TTN: variants seen among roughly 807,000 people sequenced by gnomAD.
TTN encodes connectin.
TTN carries 1,525 observed loss-of-function variants against 3,223.0 expected under a neutral mutation model. That is an observed-to-expected ratio of 0.47 (90% CI 0.45 to 0.49). The LOEUF is 0.49. Ranked by LOEUF, TTN falls within the 20% of genes least tolerant of loss-of-function variation. The pLI is 0.00. For synonymous variants in TTN, 14,094 were observed against 15,161.0 expected (o/e 0.93, Z 5.17); for missense variants, 40,786 against 43,424.0 (o/e 0.94, Z 5.40).
rs529529087 is a variant in TTN, at chr2:178,591,383, G to A, written c.60342C>T (p.Thr20114=). 1.4e-5 allele frequency: 23 copies of A among 1,612,986 alleles called. No individual in the cohort carries two copies. Among genetic ancestry groups the A allele is most frequent in the Middle Eastern group, 1.7e-4 (1 of 6,046 alleles). ...CATCGGTTTTAATCTCACTCCCATCGGTTGTCCACTTTGCAGTAGGAACAG... is the reference window on the plus strand; with the variant it reads ...CATCGGTTTTAATCTCACTCCCATCAGTTGTCCACTTTGCAGTAGGAACAG... ...GVPVPTAKWT[T]DGSEIKTDEH... Residue 20114 remains threonine (T), a synonymous_variant, in exon 304 of 363, where the codon ACC becomes ACT. Transcript: ENST00000589042.
rs779686062 is a variant in TTN, at chr2:178,587,668, T to G, written c.63641A>C (p.Asp21214Ala). Reference sequence around the variant, plus strand: ...AACTTGTCCTTTTCTGACCACATTATCAATGCCAACTTTTCGCCAAGTGAC... The same window carrying G: ...AACTTGTCCTTTTCTGACCACATTAGCAATGCCAACTTTTCGCCAAGTGAC... ...PKVTWRKVGIDNVVRKGQVDL... is the reference protein window; with the variant it reads ...PKVTWRKVGIANVVRKGQVDL... The change falls in exon 306 of 363, where the codon GAT becomes GCT. Residue 21214 changes from aspartate to alanine, a missense_variant. Coordinates refer to ENST00000589042, the MANE Select transcript of TTN (RefSeq NM_001267550.2). 18 of 1,612,926 alleles carry G rather than the reference T, an allele frequency of 1.1e-5. No homozygotes were observed. Among genetic ancestry groups the G allele is most frequent in the African/African-American group, 1.3e-5 (1 of 74,968 alleles).
At chr2:178,695,519 T>C (rs2073524530) in intron 114 of TTN, 109 bp from the exon 115 acceptor site, 1 of 858,924 alleles carries the variant, frequency 1.2e-6, no homozygotes, top group Admixed American at 2.2e-5. Flanking sequence ...GTGTGAAGTA[T>C]TATATTTGGG....
At chr2:178,695,266 T>G in intron 115 of TTN, 82 bp downstream of exon 115, 1 of 1,088,852 alleles carries the variant, frequency 9.2e-7, no homozygotes, top group South Asian at 1.6e-5. Context: ...TGGATTGAAC[T>G]GCTGATTTAT....
At position 178,651,681 on chromosome 2, in the gene TTN, G is replaced by A. The variant is rs1225118496; in HGVS notation, c.39448C>T (p.Leu13150=). The stretch of plus-strand genomic sequence containing the variant: ...TGAGGAATACCTTTCACTGGTGGTA[G>A]TTCAGGTTTTTTGGCAACGACAGCA... ...APAVVAKKPE[L]PPVKVPEVPK... Residue 13150 remains leucine, a synonymous_variant, in exon 206 of 363, where the codon CTA becomes TTA. Coordinates refer to ENST00000589042, the MANE Select transcript of TTN (RefSeq NM_001267550.2). 1 of 1,613,234 alleles carries A rather than the reference G, an allele frequency of 6.2e-7. No individual in the cohort carries two copies. The highest frequency in any genetic ancestry group is 1.1e-5 in the South Asian group (1 of 91,062).
At position 178,635,167 on chromosome 2, in the gene TTN, G is replaced by C. The variant is rs1455864622; in HGVS notation, c.42022C>G (p.Pro14008Ala). 6.2e-7 allele frequency: 1 copy of C among 1,612,612 alleles called. No homozygotes were observed. Among genetic ancestry groups the C allele is most frequent in the Non-Finnish European group, 8.5e-7 (1 of 1,179,356 alleles). Reference protein sequence around the residue: ...KLKGELLRPSPTCEIKAEGGK... With the variant: ...KLKGELLRPSATCEIKAEGGK... Reference sequence around the variant, plus strand: ...ATTTAAAATGTGAAATTACTCACAGGTGAGGGCCTTAGAAGTTCTCCTTTC... The same window carrying C: ...ATTTAAAATGTGAAATTACTCACAGCTGAGGGCCTTAGAAGTTCTCCTTTC... Residue 14008 changes from proline to alanine, a missense_variant and splice_region_variant, in exon 228 of 363, where the codon CCT (proline) becomes GCT (alanine). Pro to Ala is a conservative substitution (Grantham distance 27). Coordinates refer to ENST00000589042, the MANE Select transcript of TTN (RefSeq NM_001267550.2).
At chr2:178,724,227 C>T in intron 72 of TTN, 33 bp downstream of exon 72, 1 of 1,591,308 alleles carries the variant, frequency 6.3e-7, no homozygotes, top group Non-Finnish European at 8.5e-7. Flanking sequence ...AAGGAATTTG[C>T]ATAAGCAACC....
chr2:178,664,625 C>G (rs760893413), intron 167 of TTN, 29 bp downstream of exon 167: 3 of 1,610,026 alleles, frequency 1.9e-6, no homozygotes, highest in Non-Finnish European at 2.5e-6. Context: ...GACATGTTCC[C>G]ACCCCTCTAA....
At position 178,547,756 on chromosome 2, in the gene TTN, C is replaced by T. The variant is rs752518817; in HGVS notation, c.93870G>A (p.Leu31290=). Residue 31290 remains leucine, a synonymous_variant, in exon 339 of 363, where the codon CTG becomes CTA. Transcript: ENST00000589042. ...ATGTTTTAACACCAGCTGTATTTTC[C>T]AGGGTCAAGAAGTATCTTCCAGAGT... ...RGDSGRYFLT[L]ENTAGVKTFS... is the part of the protein sequence containing the mutation. 6.8e-6 allele frequency: 11 copies of T among 1,613,904 alleles called. No individual in the cohort carries two copies. Among genetic ancestry groups the T allele is most frequent in the South Asian group, 1.1e-5 (1 of 91,080 alleles).
In TTN at chr2:178,706,443, A is replaced by T. The variant is rs1181545251; in HGVS notation, c.29420+11T>A. On this transcript the variant is annotated intron_variant, in intron 102 of 362. Transcript: ENST00000589042. ...GCTGATTGTACGATTTGTGGTTTTT[A>T]TTGAACTCACTTTTTCAGCATTGCT... The T allele has an allele frequency of 9.4e-6, 15 of 1,601,048 alleles. No homozygotes were observed. The highest frequency in any genetic ancestry group is 1.0e-5 in the Non-Finnish European group (12 of 1,172,588).
chr2:178,800,705 T>G (rs771668880), intron 3 of TTN, 23 bp from the exon 4 acceptor site: 3 of 1,596,118 alleles, frequency 1.9e-6, no homozygotes, highest in African/African-American at 1.3e-5. Context: ...GAGAACAAAG[T>G]CAAGAGTGAG....
intron 88 of TTN, among the ~76,000 whole-genome samples, chr2:178,716,479 T>G (rs780123086): frequency 6.6e-6 from 1 of 152,202 alleles, no homozygotes; most frequent in Non-Finnish European, 1.5e-5. Flanking sequence ...AAAAATACTC[T>G]AATGGACTAG....
intron 250 of TTN, 74 bp from the exon 251 acceptor site, chr2:178,618,927 T>C: frequency 6.6e-7 from 1 of 1,523,414 alleles, no homozygotes; most frequent in East Asian, 2.3e-5. Context: ...ATTATGCATT[T>C]ATTAGAAAAT....
chr2:178,576,285 C>T lies in TTN; in HGVS notation c.69847G>A (p.Gly23283Arg). 1 of 1,602,272 alleles carries T rather than the reference C, an allele frequency of 6.2e-7. No individual in the cohort carries two copies. The highest frequency in any genetic ancestry group is 8.5e-7 in the Non-Finnish European group (1 of 1,175,130). The stretch of plus-strand genomic sequence containing the variant: ...GTATCTTTTATCCAGGCCTCGTCTC[C>T]TACTTTTTGATGCTCCACGACATAG... ...TGYVVEHQKV[G>R]DEAWIKDTTG... Residue 23283 changes from glycine to arginine, a missense_variant, in exon 326 of 363, where the codon GGA becomes AGA. By Grantham distance (125) the Gly-to-Arg change is moderately radical (BLOSUM62 -2). Coordinates refer to ENST00000589042, the MANE Select transcript of TTN (RefSeq NM_001267550.2). The surrounding 1 kb of genome is among the most constrained non-coding windows in gnomAD (Gnocchi z 4.3).
At chr2:178,766,079 C>T (rs1418958166) in intron 41 of TTN, among the ~76,000 whole-genome samples, 2 of 152,142 alleles carry the variant, frequency 1.3e-5, no homozygotes, top group South Asian at 2.1e-4. Flanking sequence ...AATAGTTTAA[C>T]AGCGAATCTA....
chr2:178,704,393 G>A lies in TTN; in HGVS notation c.29977C>T (p.Arg9993Trp), dbSNP rs375415014. The A allele has an allele frequency of 2.3e-5, 37 of 1,613,204 alleles. No individual in the cohort carries two copies. Among genetic ancestry groups the A allele is most frequent in the Non-Finnish European group, 2.8e-5 (33 of 1,179,406 alleles). The change falls in exon 106 of 363, where the codon CGG (arginine) becomes TGG (tryptophan). Residue 9993 changes from arginine (R) to tryptophan (W), a missense_variant. Coordinates refer to ENST00000589042, the MANE Select transcript of TTN (RefSeq NM_001267550.2). The part of the protein sequence containing the change: ...KLTVIEPAWE[R>W]HLQDVTLKEG... ...TTCAGAGTCACATCCTGAAGATGCC[G>A]TTCCCATGCAGGCTCTGTTCATGTG...
intron 317 of TTN, 36 bp downstream of exon 317, chr2:178,580,286 T>A (rs566966646): frequency 6.4e-5 from 102 of 1,604,792 alleles, no homozygotes; most frequent in Non-Finnish European, 8.3e-5. Context: ...TAAGCTATTT[T>A]AAAATATATA....
In TTN at chr2:178,792,188, C is replaced by G; in HGVS notation, c.1546G>C (p.Glu516Gln). The part of the protein sequence containing the change: ...MHVTHEQIRK[E>Q]TEKTFVPKVV... ...TTTGGTACAAATGTTTTTTCAGTTTCTTTTCTTATCTGCAAAGAATGATTT... is the reference window on the plus strand; with the variant it reads ...TTTGGTACAAATGTTTTTTCAGTTTGTTTTCTTATCTGCAAAGAATGATTT... The change falls in exon 10 of 363, where the codon GAA (glutamate) becomes CAA (glutamine). Residue 516 changes from glutamate (E) to glutamine (Q), a missense_variant. Transcript: ENST00000589042. The G allele has an allele frequency of 1.2e-6, 2 of 1,606,050 alleles. No individual in the cohort carries two copies. Among genetic ancestry groups the G allele is most frequent in the Non-Finnish European group, 1.7e-6 (2 of 1,178,118 alleles).
At chr2:178,670,447 T>C (rs2066784677) in intron 156 of TTN, among the ~76,000 whole-genome samples, 152 bp from the exon 157 acceptor site, 1 of 151,906 alleles carries the variant, frequency 6.6e-6, no homozygotes, top group Non-Finnish European at 1.5e-5. Flanking sequence ...TTCAAATGCA[T>C]TGAATTTAAA....
intron 280 of TTN, 32 bp downstream of exon 280, chr2:178,604,955 G>A (rs1435457827): frequency 1.6e-5 from 25 of 1,591,498 alleles, no homozygotes; most frequent in Non-Finnish European, 2.1e-5. Flanking sequence ...GACACTGGAT[G>A]CCTTTTTGAT....
Sources: allele counts gnomAD v4.1 joint callset (sites outside exome capture counted in the v4.1 genomes callset), GRCh38; gene constraint gnomAD v4.1.1; non-coding constraint Gnocchi (gnomAD v3.1); transcripts MANE v1.5; gene names NCBI Gene and HGNC (gene_info 2026-07-23, HGNC 2026-07-21).